The following MAGI2 variants were observed in gnomAD, a reference collection of about 807,000 sequenced individuals.
The protein encoded by MAGI2 is membrane associated guanylate kinase, WW and PDZ domain containing 2, also known as membrane-associated guanylate kinase, WW and PDZ domain-containing protein 2.
Under a neutral mutation model 133.3 loss-of-function variants are expected in MAGI2, and 35 were observed. The observed-to-expected ratio is 0.26, with a 90% confidence interval of 0.20 to 0.35. MAGI2 has a LOEUF of 0.35. Ranked by LOEUF, MAGI2 falls within the 10% of genes least tolerant of loss-of-function variation. MAGI2 has a pLI of 1.00. For missense variants in MAGI2, 1,636 were observed against 1,863.4 expected (o/e 0.88, Z 2.25); for synonymous variants, 729 against 710.6 (o/e 1.03, Z -0.41).
At chr7:78,363,499 A>G (rs186805790) in intron 7 of MAGI2, among the ~76,000 whole-genome samples, 154 of 116,908 alleles carry the variant, frequency 1.3e-3, no homozygotes, top group African/African-American at 4.4e-3. Flanking sequence ...TCTCGAAAAT[A>G]ATAATAATAA....
In MAGI2 at chr7:78,960,985, A is replaced by G. The variant is rs571544233; in HGVS notation, c.418+46105T>C. Among the ~76,000 whole-genome samples the G allele has an allele frequency of 4.0e-4, 61 of 152,270 alleles. 1 individual carries two copies. In the South Asian group the frequency reaches 0.012, roughly 31 times the overall value. On this transcript the variant is annotated intron_variant, in intron 2 of 21. Transcript: ENST00000354212. The stretch of plus-strand genomic sequence containing the variant: ...AAACTCCAGGATAGGGAATTTGGGG[A>G]TAAAATACCAGTTCTGATTTCCCTT...
At chr7:78,144,655 C>T (rs901850459) in intron 16 of MAGI2, among the ~76,000 whole-genome samples, 10 of 152,248 alleles carry the variant, frequency 6.6e-5, no homozygotes, top group Admixed American at 2.6e-4. Context: ...TCCTCCCAGA[C>T]GTAGGTAGTT....
At chr7:78,090,241 C>T (rs1252580604) in intron 20 of MAGI2, among the ~76,000 whole-genome samples, 2 of 152,246 alleles carry the variant, frequency 1.3e-5, no homozygotes, top group African/African-American at 4.8e-5. Flanking sequence ...CACTTACAGT[C>T]ACACTGCCTG....
chr7:79,216,698 G>A (rs565750612), intron 1 of MAGI2, among the ~76,000 whole-genome samples: 10 of 152,180 alleles, frequency 6.6e-5, no homozygotes, highest in African/African-American at 1.4e-4. Flanking sequence ...AGGGGCGTCA[G>A]GGAACTCTCC....
At chr7:79,373,766 A>G (rs1339834590) in intron 1 of MAGI2, among the ~76,000 whole-genome samples, 2 of 152,056 alleles carry the variant, frequency 1.3e-5, no homozygotes, top group Non-Finnish European at 2.9e-5. Context: ...ATGCTGGTGG[A>G]AATAACACTG....
At chr7:78,610,112 A>T (rs1806276611) in intron 3 of MAGI2, among the ~76,000 whole-genome samples, 1 of 152,086 alleles carries the variant, frequency 6.6e-6, no homozygotes, top group East Asian at 1.9e-4. Context: ...AATCTTGGCT[A>T]TGGGAGAAAT....
intron 1 of MAGI2, among the ~76,000 whole-genome samples, chr7:79,009,654 A>C (rs964981164): frequency 6.6e-6 from 1 of 152,174 alleles, no homozygotes; most frequent in Non-Finnish European, 1.5e-5. Flanking sequence ...GACATGGATC[A>C]CAGTGGTCTG....
At chr7:78,227,850 T>TTGTGTGTGTGTGTGTG (rs3085614) in intron 10 of MAGI2, among the ~76,000 whole-genome samples, 3,529 of 145,568 alleles carry the variant, frequency 0.024, 56 homozygotes, top group Non-Finnish European at 0.03. Context: ...TCTTACTCAG[T>TTGTGTGTGTGTGTGTG]TGTGTGTGTG....
At chr7:78,855,295 T>C (rs1225270747) in intron 2 of MAGI2, among the ~76,000 whole-genome samples, 1 of 152,142 alleles carries the variant, frequency 6.6e-6, no homozygotes, top group Non-Finnish European at 1.5e-5. Flanking sequence ...AGGGTACATG[T>C]GCACAACTTG....
At chr7:78,177,811 G>C (rs936594849) in intron 14 of MAGI2, among the ~76,000 whole-genome samples, 200 bp downstream of exon 14, 9 of 152,004 alleles carry the variant, frequency 5.9e-5, no homozygotes, top group African/African-American at 2.2e-4. Context: ...GATTTCTAAA[G>C]AGATATTTGT....
At chr7:78,063,043 C>T in intron 21 of MAGI2, among the ~76,000 whole-genome samples, 1 of 152,120 alleles carries the variant, frequency 6.6e-6, no homozygotes, top group Non-Finnish European at 1.5e-5. Context: ...TTCTTAATTC[C>T]AGCCCTCACG....
chr7:79,062,022 C>T (rs980570342), intron 1 of MAGI2, among the ~76,000 whole-genome samples: 3 of 152,094 alleles, frequency 2.0e-5, no homozygotes, highest in Non-Finnish European at 4.4e-5. Flanking sequence ...AGGCACAAGG[C>T]AGGTGTCCAA....
chr7:78,294,519 T>G (rs1012370299), intron 9 of MAGI2, among the ~76,000 whole-genome samples: 1 of 152,168 alleles, frequency 6.6e-6, no homozygotes, highest in African/African-American at 2.4e-5. Flanking sequence ...AGGGGACTGA[T>G]AATGTTTGCT....
At chr7:78,698,295 T>C (rs1817718446) in intron 2 of MAGI2, among the ~76,000 whole-genome samples, 2 of 152,122 alleles carry the variant, frequency 1.3e-5, no homozygotes, top group Admixed American at 1.3e-4. Context: ...TTCCAAAATC[T>C]GAAAAATTTC....
At chr7:78,365,698 C>T (rs950692585) in intron 7 of MAGI2, among the ~76,000 whole-genome samples, 1 of 152,124 alleles carries the variant, frequency 6.6e-6, no homozygotes, top group African/African-American at 2.4e-5. Context: ...ATATATTAAA[C>T]CTACAATCTT....
At chr7:78,605,622 G>A (rs1252947991) in intron 3 of MAGI2, among the ~76,000 whole-genome samples, 1 of 152,114 alleles carries the variant, frequency 6.6e-6, no homozygotes, top group East Asian at 1.9e-4. Flanking sequence ...AGCCTATCGG[G>A]GACATAGAAC....
chr7:78,936,029 A>G (rs1445391573), intron 2 of MAGI2, among the ~76,000 whole-genome samples: 1 of 152,122 alleles, frequency 6.6e-6, no homozygotes, highest in Non-Finnish European at 1.5e-5. Flanking sequence ...GTCTTCCGTT[A>G]CAAGTTTCCT....
chr7:79,002,870 T>G (rs1807023579), intron 2 of MAGI2, among the ~76,000 whole-genome samples: 1 of 149,850 alleles, frequency 6.7e-6, no homozygotes, highest in Non-Finnish European at 1.5e-5. Flanking sequence ...AGTGTGTGTG[T>G]GTGTGTGTGT....
At chr7:79,075,832 T>C (rs1189363066) in intron 1 of MAGI2, among the ~76,000 whole-genome samples, 8 of 152,130 alleles carry the variant, frequency 5.3e-5, no homozygotes, top group African/African-American at 1.7e-4. Flanking sequence ...AACACAACTA[T>C]TTCTAAAACA....
Sources: allele counts gnomAD v4.1 joint callset (sites outside exome capture counted in the v4.1 genomes callset), GRCh38; gene constraint gnomAD v4.1.1; transcripts MANE v1.5; gene names NCBI Gene and HGNC (gene_info 2026-07-23, HGNC 2026-07-21).